ST3GAL5: variants seen among roughly 807,000 people sequenced by gnomAD.
ST3GAL5 encodes the protein lactosylceramide alpha-2,3-sialyltransferase.
Under a neutral mutation model 46.1 loss-of-function variants are expected in ST3GAL5, and 25 were observed. The ratio of observed to expected loss-of-function variants is 0.54; its 90% CI spans 0.40 to 0.76. The LOEUF is 0.76. Among genes scored for constraint, ST3GAL5 ranks in the 30% least tolerant of loss-of-function variants. The pLI is 0.00. For missense variants in ST3GAL5, 431 were observed against 521.2 expected (o/e 0.83, Z 1.69); for synonymous variants, 182 against 192.7 (o/e 0.94, Z 0.46).
Position 85,863,994 on chromosome 2 carries a change from C to A in ST3GAL5, c.83-509G>T, listed in dbSNP as rs1202487850. 5.9e-5 allele frequency among the ~76,000 whole-genome samples: 9 copies of A among 152,312 alleles called. No individual in the cohort carries two copies. In the East Asian group the frequency reaches 1.7e-3, roughly 29 times the overall value. ...GTGCTGGGATTACATGCATGAGCCACTGCACCCGGCTGATTTTTAACATTC... is the reference window on the plus strand; with the variant it reads ...GTGCTGGGATTACATGCATGAGCCAATGCACCCGGCTGATTTTTAACATTC... On this transcript the variant is annotated intron_variant, in intron 1 of 6. Coordinates refer to ENST00000638572, the MANE Select transcript of ST3GAL5 (RefSeq NM_003896.4).
chr2:85,874,801 CT>C (rs1686340161), intron 1 of ST3GAL5, among the ~76,000 whole-genome samples: 2 of 151,198 alleles, frequency 1.3e-5, no homozygotes, highest in Admixed American at 6.6e-5. Flanking sequence ...TGGCCTGCAA[CT>C]AGATCCCCAC....
Position 85,858,908 on chromosome 2 carries a change from T to C in ST3GAL5, c.318+2273A>G, listed in dbSNP as rs1390233022. On this transcript the variant is annotated intron_variant, in intron 3 of 6. Transcript: ENST00000638572. ...TGATCTTGAGTTTCTCCTCTGGTCA[T>C]TCTTAGAAATCACTAGGATTCCTTA... Among the ~76,000 whole-genome samples the C allele has an allele frequency of 2.6e-5, 4 of 152,206 alleles. No homozygotes were observed. The East Asian group carries it at 7.7e-4, about 29-fold the overall frequency.
intron 3 of ST3GAL5, 170 bp downstream of exon 3, chr2:85,861,011 T>G (rs1573642954): frequency 1.6e-6 from 1 of 625,376 alleles, no homozygotes; most frequent in Non-Finnish European, 2.9e-6. Context: ...TAGTGGTGGG[T>G]TTTTAGAAGA....
At position 85,846,482 on chromosome 2, in the gene ST3GAL5, T is replaced by C. The variant is rs1682807726; in HGVS notation, c.744A>G (p.Ala248=). 2 of 1,614,214 alleles carry C rather than the reference T, an allele frequency of 1.2e-6. No individual in the cohort carries two copies. Among genetic ancestry groups the C allele is most frequent in the East Asian group, 4.5e-5 (2 of 44,888 alleles). Reference sequence around the variant, plus strand: ...AATAATATTCAAGGTCAGACAGTGGTGCGCCCTCTGGATAAGTCATCCTTA... The same window carrying C: ...AATAATATTCAAGGTCAGACAGTGGCGCGCCCTCTGGATAAGTCATCCTTA... The part of the protein sequence containing the change: ...TTIRMTYPEG[A]PLSDLEYYSN... The change falls in exon 5 of 7, where the codon GCA becomes GCG. Residue 248 remains alanine (A), a synonymous_variant. Transcript: ENST00000638572.
Position 85,840,374 on chromosome 2 carries a change from C to A in ST3GAL5, c.1027G>T (p.Val343Phe). ...TGTGTGGCTAAGACAACGGCAATGA[C>A]ACCGATTGTGGGGACGTTCTGAGAA... The part of the protein sequence containing the change: ...GRDKNVPTIG[V>F]IAVVLATHLC... The change falls in exon 7 of 7, where the codon GTC becomes TTC. Residue 343 changes from valine to phenylalanine, a missense_variant. Val to Phe is a conservative substitution (Grantham distance 50, BLOSUM62 -1). Coordinates refer to ENST00000638572, the MANE Select transcript of ST3GAL5 (RefSeq NM_003896.4). 2 of 1,614,072 alleles carry A rather than the reference C, an allele frequency of 1.2e-6. No homozygotes were observed. Among genetic ancestry groups the A allele is most frequent in the South Asian group, 2.2e-5 (2 of 91,058 alleles).
At position 85,881,648 on chromosome 2, in the gene ST3GAL5, G is replaced by C. The variant is rs576446390; in HGVS notation, c.82+7176C>G. ...TGTGTGGAACTTTGAAGTTGAGAGAGATGATTTAGGGTATCTGGTGGAAGA... is the reference window on the plus strand; with the variant it reads ...TGTGTGGAACTTTGAAGTTGAGAGACATGATTTAGGGTATCTGGTGGAAGA... On this transcript the variant is annotated intron_variant, in intron 1 of 6. Transcript: ENST00000638572. Among the ~76,000 whole-genome samples, 5 of 152,308 alleles carry C rather than the reference G, an allele frequency of 3.3e-5. No individual in the cohort carries two copies. The East Asian group carries it at 9.6e-4, about 29-fold the overall frequency.
intron 1 of ST3GAL5, among the ~76,000 whole-genome samples, chr2:85,883,191 C>T (rs2104243902): frequency 6.6e-6 from 1 of 152,244 alleles, no homozygotes; most frequent in East Asian, 1.9e-4. Context: ...ATTGTGTCTC[C>T]CAGAATTCCC....
chr2:85,888,753 G>T, intron 1 of ST3GAL5, 71 bp downstream of exon 1: 1 of 1,113,434 alleles, frequency 9.0e-7, no homozygotes, highest in Non-Finnish European at 1.1e-6. Context: ...GGCCCGGGAA[G>T]AGACAAGTCG....
intron 3 of ST3GAL5, among the ~76,000 whole-genome samples, chr2:85,857,142 G>A (rs887870930): frequency 1.3e-5 from 2 of 151,170 alleles, no homozygotes; most frequent in African/African-American, 4.9e-5. Context: ...CTACTCAGGA[G>A]GCTGAGGTGG....
At chr2:85,863,729 A>G (rs1211060585) in intron 1 of ST3GAL5, among the ~76,000 whole-genome samples, 1 of 150,214 alleles carries the variant, frequency 6.7e-6, no homozygotes, top group Non-Finnish European at 1.5e-5. Context: ...TTTTTCTGAG[A>G]CGGAGTCTTG....
chr2:85,878,548 A>T (rs1288343129), intron 1 of ST3GAL5, among the ~76,000 whole-genome samples: 1 of 108,140 alleles, frequency 9.2e-6, no homozygotes, highest in Non-Finnish European at 1.9e-5. Context: ...GTCGCCTGAC[A>T]GTATTGGGAC....
chr2:85,886,356 C>T (rs1377132137), intron 1 of ST3GAL5, among the ~76,000 whole-genome samples: 1 of 152,172 alleles, frequency 6.6e-6, no homozygotes, highest in Non-Finnish European at 1.5e-5. Context: ...GATTGCTTGA[C>T]TCCAGGAGTT....
rs201822815 is a variant in ST3GAL5, at chr2:85,846,579, G to A, written c.663-16C>T. 6 of 1,613,394 alleles carry A rather than the reference G, an allele frequency of 3.7e-6. No homozygotes were observed. In the African/African-American group the frequency reaches 6.7e-5, roughly 18 times the overall value. On this transcript the variant is annotated splice_polypyrimidine_tract_variant and intron_variant, in intron 4 of 6. Coordinates refer to ENST00000638572, the MANE Select transcript of ST3GAL5 (RefSeq NM_003896.4). Reference sequence around the variant, plus strand: ...ACTGTTTAACCTATTTAAATAAAAAGGACAAAGACACACTGACAAAGCAGG... The same window carrying A: ...ACTGTTTAACCTATTTAAATAAAAAAGACAAAGACACACTGACAAAGCAGG...
chr2:85,856,030 G>A (rs906970465), intron 3 of ST3GAL5: 3 of 152,330 alleles, frequency 2.0e-5, no homozygotes, highest in East Asian at 3.9e-4. Context: ...TTGGAAAACA[G>A]CTTGGCAGTT....
chr2:85,869,709 C>A (rs3810821), intron 1 of ST3GAL5, among the ~76,000 whole-genome samples: 26,855 of 152,164 alleles, frequency 0.18, 2,814 homozygotes, highest in South Asian at 0.34. Flanking sequence ...TGTCAGCACT[C>A]AGCAAGTCCA....
At position 85,863,401 on chromosome 2, in the gene ST3GAL5, T is replaced by C. The variant is rs1336784366; in HGVS notation, c.167A>G (p.Lys56Arg). Residue 56 changes from lysine (K) to arginine (R), a missense_variant, in exon 2 of 7, where the codon AAG becomes AGG. Coordinates refer to ENST00000638572, the MANE Select transcript of ST3GAL5 (RefSeq NM_003896.4). The part of the protein sequence containing the change: ...SLQWYTRAQS[K>R]MRRPSLLLKD... The stretch of plus-strand genomic sequence containing the variant: ...TAATAACAAGCTGGGCCTTCTCATC[T>C]TGCTTTGAGCTCGGGTGTACCATTG... 3 of 1,614,260 alleles carry C rather than the reference T, an allele frequency of 1.9e-6. No homozygotes were observed. The highest frequency in any genetic ancestry group is 1.7e-4 in the Middle Eastern group (1 of 6,060).
chr2:85,842,467 T>G (rs1682241490), intron 6 of ST3GAL5, among the ~76,000 whole-genome samples: 1 of 152,224 alleles, frequency 6.6e-6, no homozygotes, highest in Non-Finnish European at 1.5e-5. Context: ...CATCTCCTAC[T>G]GCTCAACAGG....
At chr2:85,885,847 A>AG (rs1284661310) in intron 1 of ST3GAL5, among the ~76,000 whole-genome samples, 1 of 151,880 alleles carries the variant, frequency 6.6e-6, no homozygotes, top group Non-Finnish European at 1.5e-5. Context: ...GAAAAAAAAA[A>AG]CTGGAGTAAA....
chr2:85,881,131 T>G (rs12463901), intron 1 of ST3GAL5, among the ~76,000 whole-genome samples: 113,714 of 152,120 alleles, frequency 0.75, 42,834 homozygotes, highest in East Asian at 0.99. Context: ...TTCTGCTTTT[T>G]CTGCTTCCTC....
Sources: gnomAD v4.1 joint callset for allele counts (sites outside exome capture counted in the v4.1 genomes callset) on GRCh38, gnomAD v4.1.1 for gene constraint, MANE v1.5 for transcripts, NCBI Gene and HGNC (gene_info 2026-07-23, HGNC 2026-07-21) for gene names.